The following NTRK3 variants were observed in gnomAD, a reference collection of about 807,000 sequenced individuals.
NTRK3 encodes neurotrophic receptor tyrosine kinase 3, also known as NT-3 growth factor receptor.
In NTRK3, 24 loss-of-function variants were observed where a neutral mutation model predicts 91.7. The observed-to-expected ratio is 0.26, with a 90% CI of 0.19 to 0.37. NTRK3 has a LOEUF of 0.37. Among genes scored for constraint, NTRK3 ranks in the 10% least tolerant of loss-of-function variants. The probability of loss-of-function intolerance (pLI) is 1.00; values close to 1 mark genes in which losing one functional copy is unlikely to be tolerated. For synonymous variants in NTRK3, 483 were observed against 404.0 expected, an observed-to-expected ratio of 1.20 and a Z score of -2.34; for missense variants, 880 against 1,068.9, an observed-to-expected ratio of 0.82 and a Z score of 2.46.
At position 88,114,204 on chromosome 15, in the gene NTRK3, G is replaced by A. The variant is rs375529697; in HGVS notation, c.1396+12067C>T. ...GTCAGCCTCTGGATCCACTGAGGGAGGAACAGCTCCCCTGTCCTCATGGGT... is the reference window on the plus strand; with the variant it reads ...GTCAGCCTCTGGATCCACTGAGGGAAGAACAGCTCCCCTGTCCTCATGGGT... On this transcript the variant is annotated intron_variant, in intron 13 of 18. Transcript: ENST00000394480. Among the ~76,000 whole-genome samples, 41 of 152,284 alleles carry A rather than the reference G, an allele frequency of 2.7e-4. No individual in the cohort carries two copies. In the South Asian group the frequency reaches 5.8e-3, roughly 22 times the overall value.
chr15:87,982,636 G>C (rs1567182889), intron 14 of NTRK3, among the ~76,000 whole-genome samples: 2 of 152,178 alleles, frequency 1.3e-5, no homozygotes, highest in African/African-American at 4.8e-5. Context: ...ACTGTAAATG[G>C]AGCTTAGGGG....
At chr15:87,947,582 C>G (rs972544194) in intron 14 of NTRK3, among the ~76,000 whole-genome samples, 1 of 151,990 alleles carries the variant, frequency 6.6e-6, no homozygotes, top group Non-Finnish European at 1.5e-5. Flanking sequence ...ACCTTGCTGC[C>G]CCACCCAGAA....
intron 16 of NTRK3, among the ~76,000 whole-genome samples, chr15:87,930,203 G>A (rs2068670434): frequency 6.6e-6 from 1 of 152,158 alleles, no homozygotes; most frequent in South Asian, 2.1e-4. Flanking sequence ...CTTGAAGCAT[G>A]GGTCTGGGGT....
At chr15:88,177,719 G>A (rs376063226) in intron 5 of NTRK3, among the ~76,000 whole-genome samples, 3 of 152,190 alleles carry the variant, frequency 2.0e-5, no homozygotes, top group Admixed American at 6.5e-5. Flanking sequence ...TAAAGGGCAC[G>A]ATAGGAATAC....
chr15:88,220,877 G>A (rs12441650), intron 3 of NTRK3, among the ~76,000 whole-genome samples: 3 of 152,244 alleles, frequency 2.0e-5, no homozygotes, highest in South Asian at 2.1e-4. Flanking sequence ...AGATCAACCC[G>A]TCCAGAGATC....
At chr15:87,916,645 G>GA (rs779685234) in intron 17 of NTRK3, 1 of 693,782 alleles carries the variant, frequency 1.4e-6, no homozygotes, top group Non-Finnish European at 2.6e-6. Context: ...ACCACCCTCA[G>GA]AAATAGGTTA....
intron 14 of NTRK3, among the ~76,000 whole-genome samples, chr15:87,982,557 A>T (rs1252975047): frequency 6.6e-6 from 1 of 152,150 alleles, no homozygotes; most frequent in Non-Finnish European, 1.5e-5. Flanking sequence ...GTCTTCAGGG[A>T]TCTTCTAAGA....
chr15:88,070,998 T>A (rs1467599985), intron 13 of NTRK3, among the ~76,000 whole-genome samples: 1 of 152,212 alleles, frequency 6.6e-6, no homozygotes, highest in Non-Finnish European at 1.5e-5. Flanking sequence ...GAAAGAGACA[T>A]CAGCCTGGGC....
chr15:88,203,527 G>C (rs1462541597), intron 3 of NTRK3, among the ~76,000 whole-genome samples: 1 of 152,170 alleles, frequency 6.6e-6, no homozygotes, highest in African/African-American at 2.4e-5. Flanking sequence ...AAGGCACCAA[G>C]AGGTTGAGCG....
At chr15:88,175,678 T>C (rs1481160121) in intron 5 of NTRK3, among the ~76,000 whole-genome samples, 1 of 152,160 alleles carries the variant, frequency 6.6e-6, no homozygotes, top group Non-Finnish European at 1.5e-5. Context: ...CTAACATATA[T>C]TGGGTCATTG....
chr15:87,910,793 T>A (rs2067046951), intron 17 of NTRK3, among the ~76,000 whole-genome samples: 1 of 152,170 alleles, frequency 6.6e-6, no homozygotes. Context: ...ATACTATGCA[T>A]CACTGGCAGT....
chr15:87,904,364 G>C (rs1346156260), intron 17 of NTRK3, among the ~76,000 whole-genome samples: 1 of 151,310 alleles, frequency 6.6e-6, no homozygotes, highest in Non-Finnish European at 1.5e-5. Flanking sequence ...CACCATGTTG[G>C]ACAAGATGGT....
At chr15:88,043,984 A>C (rs2079900510) in intron 13 of NTRK3, among the ~76,000 whole-genome samples, 1 of 152,136 alleles carries the variant, frequency 6.6e-6, no homozygotes, top group African/African-American at 2.4e-5. Flanking sequence ...ATACCATGGC[A>C]TATTGTCACC....
intron 3 of NTRK3, among the ~76,000 whole-genome samples, chr15:88,229,175 C>T (rs1235724650): frequency 1.3e-5 from 2 of 152,208 alleles, no homozygotes; most frequent in Non-Finnish European, 2.9e-5. Context: ...AGCCACCAAG[C>T]CAGTTTTCAG....
chr15:87,940,328 G>T (rs1006553157), intron 15 of NTRK3, among the ~76,000 whole-genome samples: 6 of 152,170 alleles, frequency 3.9e-5, no homozygotes, highest in African/African-American at 1.4e-4. Context: ...AGTGTGGAGG[G>T]CCAGGCCTGG....
chr15:88,170,238 C>T (rs1422781001), intron 5 of NTRK3, among the ~76,000 whole-genome samples: 1 of 152,186 alleles, frequency 6.6e-6, no homozygotes, highest in African/African-American at 2.4e-5. Context: ...GCTTCAAGGG[C>T]AGGGGGAATG....
exon 19 of NTRK3, chr15:87,863,996 C>CACACACACAA (rs2064596094): frequency 1.0e-4 from 20 of 193,898 alleles, no homozygotes; most frequent in African/African-American, 4.6e-4. Context: ...CACACACATA[C>CACACACACAA]ACACACACAC....
intron 13 of NTRK3, among the ~76,000 whole-genome samples, chr15:88,076,946 T>A (rs569729166): frequency 5.6e-4 from 85 of 151,956 alleles, no homozygotes; most frequent in African/African-American, 1.8e-3. Flanking sequence ...ATACAAAAAA[T>A]TAGCCGGGTG....
At chr15:87,963,909 A>G (rs11857033) in intron 14 of NTRK3, among the ~76,000 whole-genome samples, 1 of 152,296 alleles carries the variant, frequency 6.6e-6, no homozygotes, top group African/African-American at 2.4e-5. Context: ...TTTAGTTTCA[A>G]TATATTTAGG....
Sources: gnomAD v4.1 joint callset for allele counts (sites outside exome capture counted in the v4.1 genomes callset) on GRCh38, gnomAD v4.1.1 for gene constraint, MANE v1.5 for transcripts, NCBI Gene and HGNC (gene_info 2026-07-23, HGNC 2026-07-21) for gene names.